Variants in ABCA3 observed in about 807,000 individuals in gnomAD.
The protein encoded by ABCA3 is phospholipid-transporting ATPase ABCA3.
Under a neutral mutation model 172.8 loss-of-function variants are expected in ABCA3, and 88 were observed. The observed-to-expected ratio is 0.51, with a 90% CI of 0.43 to 0.61. ABCA3 has a LOEUF of 0.61. Ranked by LOEUF, ABCA3 falls within the 20% of genes least tolerant of loss-of-function variation. ABCA3 has a pLI of 0.00. For missense variants in ABCA3, 2,164 were observed against 2,301.0 expected (o/e 0.94, Z 1.22); for synonymous variants, 1,066 against 983.8 (o/e 1.08, Z -1.56).
At position 2,278,489 on chromosome 16, in the gene ABCA3, T is replaced by C. The variant is rs1362482337; in HGVS notation, c.4548-31A>G. On this transcript the variant is annotated intron_variant, in intron 29 of 32. Coordinates refer to ENST00000301732, the MANE Select transcript of ABCA3 (RefSeq NM_001089.3). The surrounding 1 kb of genome is among the most constrained non-coding windows in gnomAD (Gnocchi z 4.4). Reference sequence around the variant, plus strand: ...GGCAGGAGGGTGCCAGGTGGGGGAATAAGGCTGAGAGTTAGCATTGGCTCC... The same window carrying C: ...GGCAGGAGGGTGCCAGGTGGGGGAACAAGGCTGAGAGTTAGCATTGGCTCC... 3 of 1,606,746 alleles carry C rather than the reference T, an allele frequency of 1.9e-6. No individual in the cohort carries two copies. Among genetic ancestry groups the C allele is most frequent in the Non-Finnish European group, 2.5e-6 (3 of 1,179,716 alleles).
intron 5 of ABCA3, among the ~76,000 whole-genome samples, chr16:2,325,587 C>T (rs964008111): frequency 6.6e-6 from 1 of 152,154 alleles, no homozygotes; most frequent in African/African-American, 2.4e-5. Flanking sequence ...GTATTTAAGT[C>T]CCAAATATCT....
chr16:2,277,267 A>AT lies in ABCA3; in HGVS notation c.4983+329dup, dbSNP rs1198646603. 1.3e-5 allele frequency among the ~76,000 whole-genome samples: 2 copies of AT among 151,892 alleles called. No individual in the cohort carries two copies. Among genetic ancestry groups the AT allele is most frequent in the East Asian group, 3.9e-4 (2 of 5,178 alleles). ...TGCATGATACCTGGCTAATTTTTAA[A>AT]TTTTTTGTAGAGACGGGGTCTATGT... On this transcript the variant is annotated intron_variant, in intron 32 of 32. Coordinates refer to ENST00000301732, the MANE Select transcript of ABCA3 (RefSeq NM_001089.3). The surrounding 1 kb of genome is among the most constrained non-coding windows in gnomAD (Gnocchi z 5.3).
rs2093707817 is a variant in ABCA3 at position 2,312,305 on chromosome 16, C to G, written c.1112-3682G>C. On this transcript the variant is annotated intron_variant, in intron 10 of 32. Transcript: ENST00000301732. Reference sequence around the variant, plus strand: ...ATAGTCTAGTGGTTGCTCCTTCAAGCAAAAATGGTGCCCCATGGAAAAAGT... The same window carrying G: ...ATAGTCTAGTGGTTGCTCCTTCAAGGAAAAATGGTGCCCCATGGAAAAAGT... Among the ~76,000 whole-genome samples the G allele has an allele frequency of 1.3e-5, 2 of 152,088 alleles. 1 individual carries two copies. Among genetic ancestry groups the G allele is most frequent in the Admixed American group, 1.3e-4 (2 of 15,258 alleles).
chr16:2,289,102 C>T (rs560556684), intron 20 of ABCA3: 26 of 335,232 alleles, frequency 7.8e-5, no homozygotes, highest in African/African-American at 3.4e-4. Flanking sequence ...GCCCAGGCCT[C>T]GGTTTCCCAT....
chr16:2,316,465 C>A, intron 10 of ABCA3, among the ~76,000 whole-genome samples: 1 of 104,378 alleles, frequency 9.6e-6, no homozygotes, highest in Admixed American at 1.2e-4. Flanking sequence ...GACAACATGG[C>A]AAAACCCCGT....
intron 28 of ABCA3, among the ~76,000 whole-genome samples, chr16:2,280,589 T>C (rs1360974100): frequency 1.3e-5 from 2 of 152,170 alleles, no homozygotes; most frequent in East Asian, 1.9e-4. Flanking sequence ...TGAATTCCCA[T>C]GCAGGCCCCG....
At chr16:2,299,796 G>A (rs1407708647) in intron 13 of ABCA3, among the ~76,000 whole-genome samples, 3 of 152,188 alleles carry the variant, frequency 2.0e-5, no homozygotes, top group African/African-American at 7.2e-5. Flanking sequence ...GGACGGCTGA[G>A]TCTGGCATTT....
intron 5 of ABCA3, among the ~76,000 whole-genome samples, chr16:2,325,374 G>T (rs547510924): frequency 6.6e-6 from 1 of 152,250 alleles, no homozygotes; most frequent in South Asian, 2.1e-4. Flanking sequence ...GCTCCCCGGG[G>T]TCCTCACAGC....
rs776576748 is a variant in ABCA3, at chr16:2,295,668, T to C, written c.2336A>G (p.His779Arg). ...NPEDISQLVH[H>R]HVPNATLESS... Reference sequence around the variant, plus strand: ...CTCCAGCGTGGCGTTGGGCACGTGGTGGTGGACCAGCTGGGAGATGTCTTC... The same window carrying C: ...CTCCAGCGTGGCGTTGGGCACGTGGCGGTGGACCAGCTGGGAGATGTCTTC... Residue 779 changes from histidine to arginine, a missense_variant, in exon 18 of 33, where the codon CAC becomes CGC. Transcript: ENST00000301732. 6.2e-7 allele frequency: 1 copy of C among 1,614,066 alleles called. No homozygotes were observed. The highest frequency in any genetic ancestry group is 1.1e-5 in the South Asian group (1 of 91,082).
chr16:2,340,167 G>T (rs564531658), intron 1 of ABCA3, among the ~76,000 whole-genome samples: 1 of 152,200 alleles, frequency 6.6e-6, no homozygotes, highest in Non-Finnish European at 1.5e-5. Context: ...AGTGCGCGGC[G>T]GACGCCTGCA....
At chr16:2,302,262 C>T (rs1047106098) in intron 12 of ABCA3, among the ~76,000 whole-genome samples, 4 of 152,204 alleles carry the variant, frequency 2.6e-5, no homozygotes, top group Admixed American at 6.5e-5. Flanking sequence ...TCCTCTAGTG[C>T]CGCTGGGTTA....
At chr16:2,282,543 G>A (rs2093656747) in intron 26 of ABCA3, among the ~76,000 whole-genome samples, 1 of 152,250 alleles carries the variant, frequency 6.6e-6, no homozygotes, top group African/African-American at 2.4e-5. Flanking sequence ...ATGGAGACCT[G>A]AGAAAATGAA....
At chr16:2,308,646 G>C in intron 10 of ABCA3, 23 bp from the exon 11 acceptor site, 1 of 1,613,238 alleles carries the variant, frequency 6.2e-7, no homozygotes, top group Non-Finnish European at 8.5e-7. Flanking sequence ...GAAGACCCGG[G>C]GGGCGTGAGC....
chr16:2,297,264 G>T lies in ABCA3; in HGVS notation c.2263+65C>A. 6.4e-7 allele frequency: 1 copy of T among 1,560,332 alleles called. No homozygotes were observed. Among genetic ancestry groups the T allele is most frequent in the Admixed American group, 1.7e-5 (1 of 58,836 alleles). On this transcript the variant is annotated intron_variant, in intron 17 of 32. Coordinates refer to ENST00000301732, the MANE Select transcript of ABCA3 (RefSeq NM_001089.3). This position sits in a 1 kb window ranked among gnomAD's most constrained non-coding sequence, Gnocchi z 5.6. ...GATCTGAGGGCCCTTCATGAAGGTA[G>T]CAGCCATTCCCTCAGCACGGCAGCC...
chr16:2,338,793 C>T (rs150909925), intron 1 of ABCA3, among the ~76,000 whole-genome samples: 3,141 of 134,966 alleles, frequency 0.023, 129 homozygotes, highest in African/African-American at 0.087. Flanking sequence ...CTTGCTCTGT[C>T]GCCCAGGCTG....
chr16:2,323,625 A>C lies in ABCA3; in HGVS notation c.511T>G (p.Phe171Val), dbSNP rs2093729532. ...CAGCCTTCTGTCTCTTTCAGGAAAA[A>C]GGAGCCTGTTTGGGTCCACATGTAA... ...RNYMWTQTGS[F>V]FLKETEGWHT... The change falls in exon 7 of 33, where the codon TTT (phenylalanine) becomes GTT (valine). Residue 171 changes from phenylalanine to valine, a missense_variant. Physicochemically the swap from Phe to Val is conservative, Grantham distance 50. Transcript: ENST00000301732. 1.9e-6 allele frequency: 3 copies of C among 1,614,182 alleles called. No individual in the cohort carries two copies. The highest frequency in any genetic ancestry group is 2.5e-6 in the Non-Finnish European group (3 of 1,180,028).
intron 28 of ABCA3, 44 bp downstream of exon 28, chr16:2,280,983 C>T: frequency 6.2e-7 from 1 of 1,613,212 alleles, no homozygotes; most frequent in Non-Finnish European, 8.5e-7. Flanking sequence ...CCCCCTCCAG[C>T]CATGCCTGTC....
rs2093662131 is a variant in ABCA3 at position 2,285,737 on chromosome 16, C to A, written c.3279-91G>T. On this transcript the variant is annotated intron_variant, in intron 22 of 32. Coordinates refer to ENST00000301732, the MANE Select transcript of ABCA3 (RefSeq NM_001089.3). The surrounding 1 kb of genome is among the most constrained non-coding windows in gnomAD (Gnocchi z 4.7). Reference sequence around the variant, plus strand: ...CTCGGTTATGACCGCCCAAGGCATGCAGGGCAGCAGCCCAACCACTAAAGG... The same window carrying A: ...CTCGGTTATGACCGCCCAAGGCATGAAGGGCAGCAGCCCAACCACTAAAGG... 1 of 1,298,494 alleles carries A rather than the reference C, an allele frequency of 7.7e-7. No homozygotes were observed. Among genetic ancestry groups the A allele is most frequent in the African/African-American group, 1.5e-5 (1 of 68,164 alleles). 80.4% of individuals were successfully genotyped at this position (1,298,494 alleles called of 1,614,324 possible). A position where few individuals can be genotyped will look rare whatever the true frequency, so the allele number is the denominator to read the frequency against.
intron 10 of ABCA3, among the ~76,000 whole-genome samples, chr16:2,314,645 C>T (rs1032948580): frequency 4.6e-5 from 7 of 151,978 alleles, no homozygotes; most frequent in East Asian, 1.9e-4. Flanking sequence ...GGCATGATCA[C>T]GGCTCACCGC....
Sources: gnomAD v4.1 joint callset for allele counts (sites outside exome capture counted in the v4.1 genomes callset) on GRCh38, gnomAD v4.1.1 for gene constraint, Gnocchi (gnomAD v3.1) non-coding constraint, MANE v1.5 for transcripts, NCBI Gene and HGNC (gene_info 2026-07-23, HGNC 2026-07-21) for gene names.